Variants in RALYL observed in about 807,000 individuals in gnomAD.
RALYL encodes RALY RNA binding protein like.
A neutral mutation model predicts 35.1 loss-of-function variants in RALYL; 29 were observed. The observed-to-expected ratio is 0.83, with a 90% CI of 0.61 to 1.13. The LOEUF (loss-of-function observed/expected upper bound fraction) is 1.13, where lower values mean the gene tolerates loss of function less well. RALYL is among the 50% of genes most tolerant of loss of function. RALYL has a pLI of 0.00. For missense variants in RALYL, 359 were observed against 360.4 expected, an observed-to-expected ratio of 1.00 and a Z score of 0.03; for synonymous variants, 120 against 127.6, an observed-to-expected ratio of 0.94 and a Z score of 0.40.
chr8:84,333,947 G>A (rs1312802966), intron 1 of RALYL, among the ~76,000 whole-genome samples: 3 of 152,218 alleles, frequency 2.0e-5, no homozygotes, highest in Admixed American at 2.0e-4. Flanking sequence ...GGGCAGTGGG[G>A]CGATCTCTGT....
intron 2 of RALYL, among the ~76,000 whole-genome samples, chr8:84,637,174 G>T (rs1298492879): frequency 6.6e-6 from 1 of 151,846 alleles, no homozygotes; most frequent in Non-Finnish European, 1.5e-5. Flanking sequence ...GACAACATAT[G>T]TTTCATTTGA....
At chr8:84,627,586 T>C (rs1823016038) in intron 2 of RALYL, among the ~76,000 whole-genome samples, 2 of 151,312 alleles carry the variant, frequency 1.3e-5, no homozygotes, top group African/African-American at 4.9e-5. Context: ...CTAGATTTCT[T>C]CGTGCATTTC....
intron 3 of RALYL, among the ~76,000 whole-genome samples, chr8:84,800,544 CGTTT>C (rs762958416): frequency 2.6e-5 from 4 of 152,078 alleles, no homozygotes; most frequent in African/African-American, 4.8e-5. Flanking sequence ...TGAAGGCTGT[CGTTT>C]GTTTATCTTA....
At chr8:84,747,796 A>G (rs556402306) in intron 2 of RALYL, among the ~76,000 whole-genome samples, 76 of 152,066 alleles carry the variant, frequency 5.0e-4, no homozygotes, top group South Asian at 1.0e-3. Flanking sequence ...TTACTATTTT[A>G]GACAGAATCT....
intron 1 of RALYL, among the ~76,000 whole-genome samples, chr8:84,523,833 A>G (rs1183879642): frequency 6.6e-5 from 10 of 152,026 alleles, no homozygotes; most frequent in Middle Eastern, 6.8e-3. Flanking sequence ...TGTCCCTACA[A>G]AGGACATGAA....
intron 2 of RALYL, among the ~76,000 whole-genome samples, chr8:84,563,780 T>A (rs1435620229): frequency 1.3e-5 from 2 of 151,838 alleles, no homozygotes; most frequent in Non-Finnish European, 2.9e-5. Flanking sequence ...GGTTACATGA[T>A]TCTATATGTA....
chr8:84,728,902 G>A (rs1845553217), intron 2 of RALYL, among the ~76,000 whole-genome samples: 1 of 152,168 alleles, frequency 6.6e-6, no homozygotes, highest in Non-Finnish European at 1.5e-5. Flanking sequence ...TTGAAGTCAG[G>A]TAGCGTGATG....
intron 1 of RALYL, among the ~76,000 whole-genome samples, chr8:84,506,589 G>T (rs1429738684): frequency 6.6e-6 from 1 of 151,896 alleles, no homozygotes; most frequent in Non-Finnish European, 1.5e-5. Flanking sequence ...GAACTTAAGT[G>T]TTTAGTTTTT....
At chr8:84,281,358 T>C (rs1382763147) in intron 1 of RALYL, among the ~76,000 whole-genome samples, 1 of 152,186 alleles carries the variant, frequency 6.6e-6, no homozygotes, top group Non-Finnish European at 1.5e-5. Flanking sequence ...AGATGGAGTA[T>C]TTTATATCTC....
chr8:84,634,662 T>A (rs2131289849), intron 2 of RALYL, among the ~76,000 whole-genome samples: 1 of 151,872 alleles, frequency 6.6e-6, no homozygotes, highest in South Asian at 2.1e-4. Flanking sequence ...CAGGAAATAT[T>A]CTAGGATTAA....
chr8:84,214,056 C>T (rs1157319437), intron 1 of RALYL, among the ~76,000 whole-genome samples: 1 of 152,082 alleles, frequency 6.6e-6, no homozygotes, highest in African/African-American at 2.4e-5. Flanking sequence ...ATTTTCTCTG[C>T]TATGGCTGTG....
intron 1 of RALYL, among the ~76,000 whole-genome samples, chr8:84,454,969 G>A (rs541767136): frequency 1.3e-4 from 20 of 152,154 alleles, no homozygotes; most frequent in African/African-American, 4.1e-4. Flanking sequence ...ATATCAATGC[G>A]TAAAAGATTC....
At chr8:84,637,892 G>A (rs561917158) in intron 2 of RALYL, among the ~76,000 whole-genome samples, 1 of 151,912 alleles carries the variant, frequency 6.6e-6, no homozygotes, top group African/African-American at 2.4e-5. Context: ...GTTTAAGGGA[G>A]TGTATGGTAA....
In RALYL at chr8:84,535,436, G is replaced by GC. The variant is rs2059532726; in HGVS notation, c.256+5861dup. On this transcript the variant is annotated intron_variant, in intron 2 of 8. Transcript: ENST00000521268. ...ATGGTAGGATGTTAGTAGCATCCCT[G>GC]CCTTTTTTTTTTTTTTTGAGACGGA... 6.6e-5 allele frequency among the ~76,000 whole-genome samples: 8 copies of GC among 122,046 alleles called. No individual in the cohort carries two copies. In the South Asian group the frequency reaches 2.1e-3, roughly 32 times the overall value. 80.1% of individuals were successfully genotyped at this position (122,046 alleles called of 152,430 possible).
chr8:84,670,664 A>G (rs184995786), intron 2 of RALYL, among the ~76,000 whole-genome samples: 2 of 152,252 alleles, frequency 1.3e-5, no homozygotes, highest in Admixed American at 1.3e-4. Flanking sequence ...ACTGCCCTTT[A>G]TAAAACCACC....
chr8:84,919,607 T>C (rs541370896), intron 8 of RALYL, among the ~76,000 whole-genome samples: 176 of 152,048 alleles, frequency 1.2e-3, no homozygotes, highest in African/African-American at 4.1e-3. Flanking sequence ...CAGTATGAAT[T>C]GGGTAAGGAG....
At chr8:84,602,094 C>T (rs531749430) in intron 2 of RALYL, among the ~76,000 whole-genome samples, 1 of 152,184 alleles carries the variant, frequency 6.6e-6, no homozygotes, top group South Asian at 2.1e-4. Context: ...GTTAAAGAGG[C>T]ATGTAGTGTT....
intron 1 of RALYL, among the ~76,000 whole-genome samples, chr8:84,312,976 C>A (rs1376269628): frequency 6.6e-6 from 1 of 152,262 alleles, no homozygotes; most frequent in African/African-American, 2.4e-5. Flanking sequence ...GCCCCTGCAG[C>A]AGGCTTCTGC....
chr8:84,388,375 G>A (rs1420246143), intron 1 of RALYL, among the ~76,000 whole-genome samples: 2 of 152,104 alleles, frequency 1.3e-5, no homozygotes, highest in Non-Finnish European at 2.9e-5. Flanking sequence ...GGATGGCTGG[G>A]TCAAATGGTA....
Sources: gnomAD v4.1 joint callset for allele counts (sites outside exome capture counted in the v4.1 genomes callset) on GRCh38, gnomAD v4.1.1 for gene constraint, MANE v1.5 for transcripts, NCBI Gene and HGNC (gene_info 2026-07-23, HGNC 2026-07-21) for gene names.